The following BBS2 variants were observed in gnomAD, a reference collection of about 807,000 sequenced individuals.
BBS2 encodes BBSome complex member BBS2.
Under a neutral mutation model 83.0 loss-of-function variants are expected in BBS2, and 62 were observed. The observed-to-expected ratio is 0.75, with a 90% CI of 0.61 to 0.92. BBS2 has a LOEUF of 0.92. Ranked by LOEUF, BBS2 falls within the 40% of genes least tolerant of loss-of-function variation. The probability of loss-of-function intolerance (pLI) is 0.00; values close to 1 mark genes in which losing one functional copy is unlikely to be tolerated. For synonymous variants in BBS2, 303 were observed against 326.1 expected, an observed-to-expected ratio of 0.93 and a Z score of 0.76; for missense variants, 784 against 901.0, an observed-to-expected ratio of 0.87 and a Z score of 1.66.
At chr16:56,480,592 T>C (rs148452869), downstream of BBS2, among the ~76,000 whole-genome samples, 173 of 152,174 alleles carry the variant, frequency 1.1e-3, 1 homozygote, top group Non-Finnish European at 1.7e-3. Flanking sequence ...GATTTCACCA[T>C]GTTGGCCAGG....
intron 13 of BBS2, 100 bp from the exon 14 acceptor site, chr16:56,497,980 GCA>G (rs1964160471): frequency 8.1e-7 from 1 of 1,236,790 alleles, no homozygotes; most frequent in South Asian, 1.2e-5. Flanking sequence ...AAATTATTGT[GCA>G]TATATATATA....
intron 17 of BBS2, chr16:56,474,827 G>A: frequency 6.3e-7 from 1 of 1,587,106 alleles, no homozygotes; most frequent in Admixed American, 1.9e-5. Flanking sequence ...TTTTTCCTTA[G>A]AATCAAGTGT....
intron 2 of BBS2, among the ~76,000 whole-genome samples, chr16:56,513,796 C>T (rs1466050242): frequency 2.0e-5 from 3 of 152,072 alleles, no homozygotes; most frequent in Admixed American, 6.5e-5. Flanking sequence ...TCTGGATACA[C>T]TAAAAACCAC....
intron 2 of BBS2, among the ~76,000 whole-genome samples, chr16:56,512,983 T>G (rs1964620992): frequency 1.3e-5 from 2 of 151,998 alleles, no homozygotes; most frequent in Non-Finnish European, 2.9e-5. Flanking sequence ...TGAGACCCTA[T>G]CTCTCTAAAA....
chr16:56,519,216 A>C (rs1307388596), intron 1 of BBS2, among the ~76,000 whole-genome samples: 1 of 151,680 alleles, frequency 6.6e-6, no homozygotes, highest in Non-Finnish European at 1.5e-5. Flanking sequence ...CTGTAATCTC[A>C]GATACTCGGG....
chr16:56,487,767 GAACA>G (rs1963822748), intron 15 of BBS2, among the ~76,000 whole-genome samples: 1 of 152,088 alleles, frequency 6.6e-6, no homozygotes, highest in East Asian at 1.9e-4. Context: ...TCATTGGAAA[GAACA>G]AACAAGCACA....
chr16:56,479,798 T>C (rs1963616593), downstream of BBS2, among the ~76,000 whole-genome samples: 1 of 152,230 alleles, frequency 6.6e-6, no homozygotes, highest in African/African-American at 2.4e-5. Context: ...TTCCCCTGGA[T>C]GGATCTTCCT....
intron 1 of BBS2, among the ~76,000 whole-genome samples, chr16:56,517,619 T>G (rs1014449139): frequency 6.6e-6 from 1 of 152,210 alleles, no homozygotes; most frequent in Non-Finnish European, 1.5e-5. Context: ...GTTCCCCCTC[T>G]CAAATGTAAG....
intron 9 of BBS2, chr16:56,502,036 C>T (rs1223451874): frequency 5.0e-5 from 24 of 484,596 alleles, no homozygotes; most frequent in African/African-American, 2.7e-4. Flanking sequence ...CACATACTCC[C>T]TACTGCTGAC....
intron 15 of BBS2, among the ~76,000 whole-genome samples, chr16:56,492,428 T>C (rs1184593840): frequency 1.3e-5 from 2 of 152,204 alleles, no homozygotes; most frequent in East Asian, 1.9e-4. Context: ...ACAAATATTA[T>C]ATATTTGCAT....
intron 7 of BBS2, among the ~76,000 whole-genome samples, chr16:56,503,166 C>CACTTG (rs1451461512): frequency 6.6e-6 from 1 of 152,178 alleles, no homozygotes; most frequent in East Asian, 1.9e-4. Context: ...TCTAGCTCTG[C>CACTTG]CACGTACTAT....
At chr16:56,472,140 T>C (rs1433412951) in intron 17 of BBS2, among the ~76,000 whole-genome samples, 1 of 152,004 alleles carries the variant, frequency 6.6e-6, no homozygotes, top group African/African-American at 2.4e-5. Flanking sequence ...TTTCTTGATT[T>C]TTTTTTTTTT....
intron 15 of BBS2, among the ~76,000 whole-genome samples, chr16:56,494,632 A>T (rs1964060892): frequency 6.6e-6 from 1 of 152,160 alleles, no homozygotes; most frequent in Admixed American, 6.5e-5. Context: ...ACTGTATCCA[A>T]CCTAAAGAGA....
chr16:56,487,301 A>T (rs763975809), intron 15 of BBS2, among the ~76,000 whole-genome samples: 35 of 152,294 alleles, frequency 2.3e-4, no homozygotes, highest in Non-Finnish European at 3.7e-4. Context: ...GACCCTACAG[A>T]TAGTTGGCCA....
chr16:56,505,555 ATG>A (rs141056477), intron 7 of BBS2, among the ~76,000 whole-genome samples: 5,951 of 152,320 alleles, frequency 0.039, 143 homozygotes, highest in East Asian at 0.13. Flanking sequence ...ATATGCTAAC[ATG>A]ATTCTTCCTA....
chr16:56,495,030 G>A (rs968993856), intron 15 of BBS2, among the ~76,000 whole-genome samples: 6 of 151,234 alleles, frequency 4.0e-5, no homozygotes, highest in Admixed American at 1.3e-4. Flanking sequence ...CATTAAATAT[G>A]TTCAAATACA....
rs764130250 is a variant in BBS2, at chr16:56,499,728, A to G, written c.1527+50T>C. 3 of 1,610,804 alleles carry G rather than the reference A, an allele frequency of 1.9e-6. No homozygotes were observed. In the African/African-American group the frequency reaches 4.0e-5, roughly 22 times the overall value. On this transcript the variant is annotated intron_variant, in intron 12 of 16. Coordinates refer to ENST00000245157, the MANE Select transcript of BBS2 (RefSeq NM_031885.5). ...TTTCCCTTTCTATGAAATAACATCT[A>G]AAGGATTCTACTGTGTAAAAGCATT...
intron 1 of BBS2, among the ~76,000 whole-genome samples, chr16:56,515,466 A>C (rs1043690528): frequency 2.0e-5 from 3 of 152,202 alleles, no homozygotes; most frequent in Admixed American, 6.5e-5. Flanking sequence ...AGTATATCTG[A>C]GGTATCAGAA....
intron 17 of BBS2, chr16:56,476,059 C>T: frequency 6.2e-7 from 1 of 1,611,630 alleles, no homozygotes; most frequent in Non-Finnish European, 8.5e-7. Context: ...AACAGTGAAT[C>T]CAGAAAGCAA....
Sources: allele counts gnomAD v4.1 joint callset (sites outside exome capture counted in the v4.1 genomes callset), GRCh38; gene constraint gnomAD v4.1.1; transcripts MANE v1.5; gene names NCBI Gene and HGNC (gene_info 2026-07-23, HGNC 2026-07-21).